The following LPP variants were observed in gnomAD, a reference collection of about 807,000 sequenced individuals.
LPP encodes LIM domain containing preferred translocation partner in lipoma.
LPP carries 38 observed loss-of-function variants against 60.4 expected under a neutral mutation model. The observed-to-expected ratio is 0.63, with a 90% CI of 0.49 to 0.83. LPP has a LOEUF of 0.83. LPP is among the 40% of genes least tolerant of loss of function. The pLI is 0.00. For missense variants in LPP, 902 were observed against 783.6 expected (o/e 1.15, Z -1.80); for synonymous variants, 328 against 290.8 (o/e 1.13, Z -1.30).
At chr3:188,673,569 C>T (rs1857382341) in intron 7 of LPP, among the ~76,000 whole-genome samples, 1 of 152,096 alleles carries the variant, frequency 6.6e-6, no homozygotes, top group Non-Finnish European at 1.5e-5. Flanking sequence ...GGGTAGGGGG[C>T]ATTTTTCAGG....
intron 2 of LPP, among the ~76,000 whole-genome samples, chr3:188,231,070 G>C (rs776851684): frequency 2.6e-5 from 4 of 152,122 alleles, no homozygotes; most frequent in Non-Finnish European, 5.9e-5. Flanking sequence ...CCCTCAAAAT[G>C]AGTGAGCAAG....
At chr3:188,295,501 G>A (rs549511018) in intron 2 of LPP, among the ~76,000 whole-genome samples, 1 of 152,186 alleles carries the variant, frequency 6.6e-6, no homozygotes, top group South Asian at 2.1e-4. Flanking sequence ...GTGACCATTT[G>A]GACTTTTATT....
chr3:188,489,038 T>A (rs1212103954), intron 5 of LPP, among the ~76,000 whole-genome samples: 1 of 152,214 alleles, frequency 6.6e-6, no homozygotes, highest in Admixed American at 6.5e-5. Flanking sequence ...CTTAAGGTAG[T>A]TACAAAGAAG....
chr3:188,464,508 G>T (rs1263773168), intron 4 of LPP, among the ~76,000 whole-genome samples: 1 of 152,166 alleles, frequency 6.6e-6, no homozygotes, highest in Non-Finnish European at 1.5e-5. Flanking sequence ...ACAAATGGAA[G>T]ATTTAGGGGA....
At chr3:188,257,596 T>A (rs906078518) in intron 2 of LPP, among the ~76,000 whole-genome samples, 6 of 152,250 alleles carry the variant, frequency 3.9e-5, no homozygotes, top group African/African-American at 1.4e-4. Flanking sequence ...AAATTGGTTG[T>A]CTACCTTATC....
chr3:188,311,821 T>C (rs1560232527), intron 2 of LPP, among the ~76,000 whole-genome samples: 2 of 152,020 alleles, frequency 1.3e-5, no homozygotes, highest in Non-Finnish European at 2.9e-5. Context: ...GTATTTTTAG[T>C]AGAGACAGAG....
chr3:188,227,824 T>C (rs1350907605), intron 2 of LPP, among the ~76,000 whole-genome samples: 2 of 152,234 alleles, frequency 1.3e-5, no homozygotes, highest in African/African-American at 4.8e-5. Context: ...TAGGCTTGGC[T>C]GACTGTATAT....
At chr3:188,758,878 A>G (rs745890790) in intron 8 of LPP, 3 of 152,254 alleles carry the variant, frequency 2.0e-5, no homozygotes, top group Admixed American at 6.5e-5. Context: ...AATAGGCATA[A>G]TAACAGTACC....
At chr3:188,407,502 A>G (rs1022181143) in intron 4 of LPP, among the ~76,000 whole-genome samples, 10 of 152,222 alleles carry the variant, frequency 6.6e-5, no homozygotes, top group Admixed American at 2.0e-4. Context: ...CCTTTTCCTC[A>G]GAAAGTACAA....
intron 3 of LPP, among the ~76,000 whole-genome samples, chr3:188,377,610 A>AT (rs1320860743): frequency 1.3e-5 from 2 of 151,622 alleles, no homozygotes; most frequent in Non-Finnish European, 2.9e-5. Context: ...CATTCGTCTA[A>AT]TTTTTTTTCA....
At chr3:188,613,825 T>A (rs1208675687) in intron 7 of LPP, among the ~76,000 whole-genome samples, 2 of 152,070 alleles carry the variant, frequency 1.3e-5, no homozygotes, top group Non-Finnish European at 2.9e-5. Flanking sequence ...CTGTAATTTC[T>A]GTTAAGATTA....
intron 9 of LPP, among the ~76,000 whole-genome samples, chr3:188,804,282 T>A (rs867387873): frequency 1.6e-5 from 2 of 123,142 alleles, no homozygotes; most frequent in South Asian, 2.6e-4. Flanking sequence ...TATATATATA[T>A]AAAATGGAAT....
At chr3:188,320,998 C>T (rs1431159276) in intron 2 of LPP, among the ~76,000 whole-genome samples, 1 of 152,186 alleles carries the variant, frequency 6.6e-6, no homozygotes, top group East Asian at 1.9e-4. Flanking sequence ...GTTTGATTTT[C>T]CTCATCCTCA....
intron 6 of LPP, among the ~76,000 whole-genome samples, chr3:188,550,981 A>G (rs1827976379): frequency 6.6e-6 from 1 of 152,184 alleles, no homozygotes; most frequent in African/African-American, 2.4e-5. Flanking sequence ...GGTTCATAAG[A>G]TGTTTTCCAT....
At chr3:188,796,438 C>T (rs1355802087) in intron 9 of LPP, among the ~76,000 whole-genome samples, 1 of 152,118 alleles carries the variant, frequency 6.6e-6, no homozygotes, top group African/African-American at 2.4e-5. Context: ...TTTATACCAC[C>T]CATCCATTAC....
At chr3:188,250,594 A>C (rs1459885246) in intron 2 of LPP, among the ~76,000 whole-genome samples, 1 of 152,154 alleles carries the variant, frequency 6.6e-6, no homozygotes, top group Non-Finnish European at 1.5e-5. Flanking sequence ...CAAAATTAGG[A>C]TTCCATGTTA....
intron 9 of LPP, among the ~76,000 whole-genome samples, chr3:188,811,757 G>A (rs1215566455): frequency 2.0e-5 from 3 of 152,080 alleles, no homozygotes; most frequent in Admixed American, 6.6e-5. Flanking sequence ...GCTAGTAAAT[G>A]TACTTAATGA....
chr3:188,641,282 C>T (rs1464751428), intron 7 of LPP, among the ~76,000 whole-genome samples: 9 of 152,160 alleles, frequency 5.9e-5, no homozygotes, highest in East Asian at 3.9e-4. Context: ...CCAGCCAGAG[C>T]GAGAGAGTGA....
intron 3 of LPP, among the ~76,000 whole-genome samples, chr3:188,386,262 G>GCACA (rs1491209525): frequency 0.017 from 1,211 of 69,468 alleles, 25 homozygotes; most frequent in South Asian, 0.12. Flanking sequence ...CATAGCATGC[G>GCACA]CGCACACACA....
Sources: gnomAD v4.1 joint callset for allele counts (sites outside exome capture counted in the v4.1 genomes callset) on GRCh38, gnomAD v4.1.1 for gene constraint, MANE v1.5 for transcripts, NCBI Gene and HGNC (gene_info 2026-07-23, HGNC 2026-07-21) for gene names.